The following ABLIM1 variants were observed in gnomAD, a reference collection of about 807,000 sequenced individuals.
The protein encoded by ABLIM1 is actin binding LIM protein 1.
Under a neutral mutation model 107.0 loss-of-function variants are expected in ABLIM1, and 40 were observed. That is an observed-to-expected ratio of 0.37 (90% CI 0.29 to 0.49). The LOEUF (loss-of-function observed/expected upper bound fraction) is 0.49, where lower values mean the gene tolerates loss of function less well. Ranked by LOEUF, ABLIM1 falls within the 20% of genes least tolerant of loss-of-function variation. The pLI is 0.97. For synonymous variants in ABLIM1, 357 were observed against 357.3 expected, an observed-to-expected ratio of 1.00 and a Z score of 0.01; for missense variants, 857 against 1,008.5, an observed-to-expected ratio of 0.85 and a Z score of 2.04.
chr10:114,458,467 G>A (rs750455654), intron 12 of ABLIM1, among the ~76,000 whole-genome samples: 3 of 152,126 alleles, frequency 2.0e-5, no homozygotes, highest in African/African-American at 4.8e-5. Context: ...GGGGGTGTGC[G>A]ATTCTGCTGT....
intron 12 of ABLIM1, 24 bp from the exon 13 acceptor site, chr10:114,453,507 A>C (rs768924588): frequency 5.3e-6 from 8 of 1,505,418 alleles, no homozygotes; most frequent in African/African-American, 1.4e-5. Context: ...AATGGAAAAA[A>C]CAAAATGAGA....
At chr10:114,601,722 C>T (rs181791020) in intron 2 of ABLIM1, 105 bp downstream of exon 2, 92 of 1,554,586 alleles carry the variant, frequency 5.9e-5, no homozygotes, top group African/African-American at 5.4e-5. Flanking sequence ...TGAGAGCATT[C>T]GCTTATCATC....
intron 1 of ABLIM1, among the ~76,000 whole-genome samples, chr10:114,767,885 C>T (rs1005059669): frequency 2.0e-5 from 3 of 152,144 alleles, no homozygotes; most frequent in Non-Finnish European, 2.9e-5. Context: ...GGATCAAGGT[C>T]AAGGGCGAGG....
intron 4 of ABLIM1, among the ~76,000 whole-genome samples, chr10:114,550,509 C>A (rs1351331246): frequency 6.6e-6 from 1 of 152,102 alleles, no homozygotes; most frequent in Non-Finnish European, 1.5e-5. Flanking sequence ...CAACATCCCC[C>A]ACCAGAGTGG....
chr10:114,471,562 A>C (rs2066567235), intron 10 of ABLIM1, among the ~76,000 whole-genome samples: 1 of 152,208 alleles, frequency 6.6e-6, no homozygotes, highest in African/African-American at 2.4e-5. Flanking sequence ...AGGTGGCACT[A>C]CATGAAAATG....
the ABLIM1 span, among the ~76,000 whole-genome samples, chr10:114,789,114 G>A: frequency 6.6e-6 from 1 of 151,934 alleles, no homozygotes; most frequent in Admixed American, 6.6e-5. Context: ...AATTAGCCGG[G>A]AGTGATGGCA....
intron 1 of ABLIM1, among the ~76,000 whole-genome samples, chr10:114,680,025 T>C (rs2080676841): frequency 6.6e-6 from 1 of 152,176 alleles, no homozygotes; most frequent in Non-Finnish European, 1.5e-5. Context: ...ATTTTTATAA[T>C]TAAAAATAAG....
At chr10:114,696,194 C>T (rs898564803) in intron 1 of ABLIM1, among the ~76,000 whole-genome samples, 7 of 152,216 alleles carry the variant, frequency 4.6e-5, no homozygotes, top group Admixed American at 3.9e-4. Context: ...CCTCCCTCCT[C>T]CATCCCTGGA....
Position 114,517,065 on chromosome 10 carries a change from C to G in ABLIM1, c.895-25187G>C, listed in dbSNP as rs76821505. Among the ~76,000 whole-genome samples the G allele has an allele frequency of 3.0e-3, 452 of 152,224 alleles. 5 individuals carry two copies. Among genetic ancestry groups the G allele is most frequent in the African/African-American group, 0.01 (419 of 41,526 alleles). ...TTACGACAAGAACAAGGCTTTTGCC[C>G]CTTTCCTCACCTCCAGGAGGAAAAA... On this transcript the variant is annotated intron_variant, in intron 6 of 22. Transcript: ENST00000533213.
chr10:114,486,307 C>T (rs1445215442), intron 8 of ABLIM1, among the ~76,000 whole-genome samples: 1 of 152,148 alleles, frequency 6.6e-6, no homozygotes, highest in East Asian at 1.9e-4. Context: ...CTCTCTTCAT[C>T]TCCCAAACGA....
chr10:114,614,920 C>T (rs146399655), intron 1 of ABLIM1, among the ~76,000 whole-genome samples: 3,355 of 151,846 alleles, frequency 0.022, 118 homozygotes, highest in African/African-American at 0.068. Context: ...TGTGGTGGTG[C>T]GCACCTGTAA....
chr10:114,597,618 A>T (rs2075556515), intron 2 of ABLIM1, among the ~76,000 whole-genome samples: 3 of 152,138 alleles, frequency 2.0e-5, no homozygotes, highest in African/African-American at 7.2e-5. Context: ...AAAATAAATG[A>T]AAAGAAAAGA....
At chr10:114,763,347 T>A (rs1011121863) in intron 1 of ABLIM1, among the ~76,000 whole-genome samples, 2 of 152,018 alleles carry the variant, frequency 1.3e-5, no homozygotes, top group African/African-American at 2.4e-5. Context: ...TATAATTTAA[T>A]ATTTTAATGT....
intron 3 of ABLIM1, among the ~76,000 whole-genome samples, chr10:114,572,155 A>G (rs1400769258): frequency 6.6e-6 from 1 of 152,208 alleles, no homozygotes; most frequent in African/African-American, 2.4e-5. Context: ...TAATGAACAG[A>G]CATATGACAG....
At chr10:114,492,344 AG>A (rs1413475850) in intron 6 of ABLIM1, among the ~76,000 whole-genome samples, 1 of 152,174 alleles carries the variant, frequency 6.6e-6, no homozygotes. Context: ...AGGTGAGAAA[AG>A]CTATAGTAAA....
chr10:114,654,548 G>C (rs2079405206), intron 1 of ABLIM1, among the ~76,000 whole-genome samples: 1 of 152,112 alleles, frequency 6.6e-6, no homozygotes, highest in South Asian at 2.1e-4. Flanking sequence ...CTAGGCCCAA[G>C]TGATCCTCCT....
chr10:114,735,091 G>C (rs1438761991), intron 1 of ABLIM1, among the ~76,000 whole-genome samples: 2 of 152,126 alleles, frequency 1.3e-5, no homozygotes, highest in Admixed American at 1.3e-4. Context: ...GCACTTCAAA[G>C]GTTTACAAAG....
intron 6 of ABLIM1, chr10:114,526,709 G>T: frequency 2.0e-6 from 2 of 985,544 alleles, no homozygotes; most frequent in Non-Finnish European, 2.4e-6. Flanking sequence ...GCTGTGCTGA[G>T]CAGAGAACTC....
intron 4 of ABLIM1, among the ~76,000 whole-genome samples, chr10:114,558,902 A>AGT (rs377352513): frequency 0.016 from 2,333 of 148,692 alleles, 65 homozygotes; most frequent in African/African-American, 0.056. Context: ...AGGGAGAACT[A>AGT]GTGTGTGTGT....
Sources: gnomAD v4.1 joint callset for allele counts (sites outside exome capture counted in the v4.1 genomes callset) on GRCh38, gnomAD v4.1.1 for gene constraint, MANE v1.5 for transcripts, NCBI Gene and HGNC (gene_info 2026-07-23, HGNC 2026-07-21) for gene names.